Variants in PKD2L2 observed in about 807,000 individuals in gnomAD.
PKD2L2 encodes the protein polycystin 2 like 2, transient receptor potential cation channel.
A neutral mutation model predicts 83.9 loss-of-function variants in PKD2L2; 67 were observed. The ratio of observed to expected loss-of-function variants is 0.80; its 90% CI spans 0.66 to 0.98. The LOEUF (loss-of-function observed/expected upper bound fraction) is 0.98. Among genes scored for constraint, PKD2L2 ranks in the 50% least tolerant of loss-of-function variants. The probability of loss-of-function intolerance (pLI) is 0.00; values close to 1 mark genes in which losing one functional copy is unlikely to be tolerated. For synonymous variants in PKD2L2, 223 were observed against 237.8 expected, an observed-to-expected ratio of 0.94 and a Z score of 0.57; for missense variants, 632 against 717.2, an observed-to-expected ratio of 0.88 and a Z score of 1.36.
chr5:137,940,014 T>C, intron 14 of PKD2L2: 1 of 1,608,928 alleles, frequency 6.2e-7, no homozygotes. Context: ...GAGAGGACAG[T>C]CTGTGGTTAA....
rs758955618 is a variant in PKD2L2 at position 137,894,367 on chromosome 5, C to G, written c.282C>G (p.Pro94=). The change falls in exon 4 of 15, where the codon CCC becomes CCG. Residue 94 remains proline, a synonymous_variant. Transcript: ENST00000508883. The part of the protein sequence containing the change: ...ITDFWKFMEG[P]LLEGLYWDSW... ...TCTCTGTGGAGTTTATGGAAGGACC[C>G]CTTTTGGAAGGTCTGTACTGGGATT... 1.9e-6 allele frequency: 3 copies of G among 1,603,418 alleles called. No individual in the cohort carries two copies. Among genetic ancestry groups the G allele is most frequent in the Non-Finnish European group, 2.5e-6 (3 of 1,178,080 alleles).
chr5:137,891,127 A>G (rs749744830), intron 2 of PKD2L2, among the ~76,000 whole-genome samples: 9 of 152,246 alleles, frequency 5.9e-5, no homozygotes, highest in Admixed American at 5.9e-4. Context: ...GCATTGGCTT[A>G]ATATGCAAAG....
intron 5 of PKD2L2, among the ~76,000 whole-genome samples, chr5:137,902,670 T>C (rs1276546955): frequency 6.6e-6 from 1 of 152,144 alleles, no homozygotes; most frequent in East Asian, 1.9e-4. Flanking sequence ...GAATAATTTT[T>C]TTTTCTCTTT....
chr5:137,916,469 TTTC>T (rs765066837), intron 8 of PKD2L2, among the ~76,000 whole-genome samples: 33 of 137,884 alleles, frequency 2.4e-4, no homozygotes, highest in Middle Eastern at 3.7e-3. Context: ...AATTGCCACT[TTTC>T]TTCTTTTTTT....
intron 14 of PKD2L2, among the ~76,000 whole-genome samples, chr5:137,941,529 C>T (rs543285392): frequency 3.9e-5 from 6 of 152,102 alleles, no homozygotes; most frequent in Non-Finnish European, 8.8e-5. Flanking sequence ...ACCTTGGAAA[C>T]GGGCAACCTC....
In PKD2L2 at chr5:137,908,957, A is replaced by G. The variant is rs767088585; in HGVS notation, c.1328+11A>G. 2 of 1,526,090 alleles carry G rather than the reference A, an allele frequency of 1.3e-6. No individual in the cohort carries two copies. Among genetic ancestry groups the G allele is most frequent in the Admixed American group, 3.7e-5 (2 of 54,124 alleles). 94.5% of individuals were successfully genotyped at this position (1,526,090 alleles called of 1,614,324 possible). ...TTTTCAGAATTCCATGTAAGCTCTT[A>G]GTATAAATGTAATTATATCTTCTAT... On this transcript the variant is annotated intron_variant, in intron 8 of 14. Coordinates refer to ENST00000508883, the MANE Select transcript of PKD2L2 (RefSeq NM_001300921.2).
rs1419476294 is a variant in PKD2L2 at position 137,907,877 on chromosome 5, A to C, written c.1111A>C (p.Ile371Leu). ...ATGCTGGCACATTTATTACAATAAT[A>C]TAATTGCTATTACCATCTTTTTTGC... ...LACWHIYYNN[I>L]IAITIFFAWI... The change falls in exon 7 of 15, where the codon ATA becomes CTA. Residue 371 changes from isoleucine (I) to leucine (L), a missense_variant. Transcript: ENST00000508883. The C allele has an allele frequency of 2.0e-6, 3 of 1,472,210 alleles. No homozygotes were observed. The African/African-American group carries it at 4.2e-5, about 20-fold the overall frequency. The allele number at this position is 1,472,210 out of a possible 1,614,324, so 91.2% of individuals were successfully genotyped here.
At chr5:137,901,275 A>G (rs1756934197) in intron 5 of PKD2L2, among the ~76,000 whole-genome samples, 1 of 152,204 alleles carries the variant, frequency 6.6e-6, no homozygotes, top group South Asian at 2.1e-4. Flanking sequence ...ACTTTTAAAA[A>G]TGTCAAGATA....
chr5:137,917,882 T>C (rs1758526962), intron 8 of PKD2L2, among the ~76,000 whole-genome samples: 2 of 152,130 alleles, frequency 1.3e-5, no homozygotes, highest in African/African-American at 4.8e-5. Flanking sequence ...TTTGTATGTC[T>C]TGTGATTTTG....
rs1474590625 is a variant in PKD2L2 at position 137,897,030 on chromosome 5, ATTATATTAT to A, written c.524+2423_524+2431del. Among the ~76,000 whole-genome samples the A allele has an allele frequency of 1.8e-4, 18 of 97,878 alleles. No individual in the cohort carries two copies. In the East Asian group the frequency reaches 4.8e-3, roughly 26 times the overall value. The allele number at this position is 97,878 out of a possible 152,430, so 64.2% of individuals were successfully genotyped here. A position where few individuals can be genotyped will look rare whatever the true frequency, so the allele number is the denominator to read the frequency against. ...ACATTCATAAGTATGATGATACATT[ATTATATTAT>A]TATTATTATTATTATTATTATTATT... On this transcript the variant is annotated intron_variant, in intron 4 of 14. Coordinates refer to ENST00000508883, the MANE Select transcript of PKD2L2 (RefSeq NM_001300921.2).
In PKD2L2 at chr5:137,919,587, T is replaced by C. The variant is rs1306400803; in HGVS notation, c.1329-2049T>C. ...TAAAACAGAACCTCTTATTCTCCTA[T>C]GCCAGAAAAAATATTTGATTTGTGG... On this transcript the variant is annotated intron_variant, in intron 8 of 14. Transcript: ENST00000508883. Among the ~76,000 whole-genome samples, 10 of 152,160 alleles carry C rather than the reference T, an allele frequency of 6.6e-5. 1 individual carries two copies. Among genetic ancestry groups the C allele is most frequent in the African/African-American group, 1.9e-4 (8 of 41,536 alleles).
intron 4 of PKD2L2, among the ~76,000 whole-genome samples, chr5:137,898,115 C>T (rs1045187710): frequency 5.9e-5 from 9 of 151,832 alleles, no homozygotes; most frequent in Non-Finnish European, 1.2e-4. Flanking sequence ...AACAGGCATG[C>T]GCCACCACGC....
Position 137,936,413 on chromosome 5 carries a change from T to C in PKD2L2, c.*3T>C, listed in dbSNP as rs1329979104. The C allele has an allele frequency of 2.0e-6, 3 of 1,535,374 alleles. No homozygotes were observed. Among genetic ancestry groups the C allele is most frequent in the East Asian group, 2.4e-5 (1 of 40,908 alleles). On this transcript the variant is annotated 3_prime_UTR_variant, in exon 14 of 15. Coordinates refer to ENST00000508883, the MANE Select transcript of PKD2L2 (RefSeq NM_001300921.2). Reference sequence around the variant, plus strand: ...TGAGAAAGGTTTCAGCTCTATAGTATTGAGACAAGTGGAGGTAAGAATCTG... The same window carrying C: ...TGAGAAAGGTTTCAGCTCTATAGTACTGAGACAAGTGGAGGTAAGAATCTG...
chr5:137,920,232 A>G (rs1758766530), intron 8 of PKD2L2, among the ~76,000 whole-genome samples: 1 of 152,152 alleles, frequency 6.6e-6, no homozygotes, highest in Admixed American at 6.5e-5. Flanking sequence ...AAATTTCCTC[A>G]TAAAGAACAC....
At chr5:137,935,684 G>C (rs1561711216) in intron 12 of PKD2L2, 113 bp from the exon 13 acceptor site, 3 of 626,194 alleles carry the variant, frequency 4.8e-6, no homozygotes, top group Non-Finnish European at 8.4e-6. Context: ...CTCAAAATCT[G>C]AGGGCTGGAG....
At chr5:137,939,707 G>A in intron 14 of PKD2L2, 1 of 250,400 alleles carries the variant, frequency 4.0e-6, no homozygotes, top group Non-Finnish European at 6.7e-6. Flanking sequence ...AGTACGACTT[G>A]AAATCTCAGT....
At chr5:137,941,404 T>C (rs1294813549) in intron 14 of PKD2L2, among the ~76,000 whole-genome samples, 1 of 152,210 alleles carries the variant, frequency 6.6e-6, no homozygotes, top group Non-Finnish European at 1.5e-5. Context: ...AACTGGAATG[T>C]ATTTTTCTTA....
chr5:137,930,664 T>TA (rs554720958), intron 12 of PKD2L2, among the ~76,000 whole-genome samples: 6,526 of 84,478 alleles, frequency 0.077, 273 homozygotes, highest in Admixed American at 0.16. Flanking sequence ...AGACTCCATC[T>TA]AAAAAAAAAA....
In PKD2L2 at chr5:137,927,101, C is replaced by T. The variant is rs148530420; in HGVS notation, c.1671+1172C>T. Among the ~76,000 whole-genome samples, 593 of 152,280 alleles carry T rather than the reference C, an allele frequency of 3.9e-3. 3 individuals carry two copies. The highest frequency in any genetic ancestry group is 0.013 in the African/African-American group (559 of 41,562). ...TTATGATGAATAATGATTCATAACC[C>T]ATTGAATAAAAGGATTCCATGAATG... On this transcript the variant is annotated intron_variant, in intron 12 of 14. Transcript: ENST00000508883.
Sources: gnomAD v4.1 joint callset for allele counts (sites outside exome capture counted in the v4.1 genomes callset) on GRCh38, gnomAD v4.1.1 for gene constraint, MANE v1.5 for transcripts, NCBI Gene and HGNC (gene_info 2026-07-23, HGNC 2026-07-21) for gene names.